KLHDC10: variants seen among roughly 807,000 people sequenced by gnomAD.
KLHDC10 encodes kelch domain-containing protein 10.
In KLHDC10, 24 loss-of-function variants were observed where a neutral mutation model predicts 56.1. The observed-to-expected ratio is 0.43, with a 90% CI of 0.31 to 0.60. The LOEUF is 0.60. KLHDC10 is among the 20% of genes least tolerant of loss of function. KLHDC10 has a pLI of 0.11. For synonymous variants in KLHDC10, 188 were observed against 207.1 expected (o/e 0.91, Z 0.79); for missense variants, 349 against 567.0 (o/e 0.62, Z 3.91).
At chr7:130,088,250 G>GT (rs1795718576) in intron 1 of KLHDC10, among the ~76,000 whole-genome samples, 1 of 151,802 alleles carries the variant, frequency 6.6e-6, no homozygotes. Flanking sequence ...AGAAGGGAAA[G>GT]TGAGTTCATA....
Position 130,130,115 on chromosome 7 carries a change from G to T in KLHDC10, c.1120-422G>T, listed in dbSNP as rs1266185809. ...GCGGATCACGAGGTCAGGAGATTGA[G>T]ACCATCCTGGCTAACACGGATGAAA... is the stretch of plus-strand genomic sequence containing the variant. On this transcript the variant is annotated intron_variant, in intron 9 of 9. Transcript: ENST00000335420. The surrounding 1 kb of genome is among the most constrained non-coding windows in gnomAD (Gnocchi z 4.2). 6.6e-6 allele frequency among the ~76,000 whole-genome samples: 1 copy of T among 151,964 alleles called. No homozygotes were observed. Among genetic ancestry groups the T allele is most frequent in the South Asian group, 2.1e-4 (1 of 4,816 alleles).
chr7:130,133,161 C>T lies in KLHDC10; in HGVS notation c.*2415C>T, dbSNP rs574625302. The T allele has an allele frequency of 5.3e-5, 8 of 152,340 alleles. No individual in the cohort carries two copies. The South Asian group carries it at 1.7e-3, about 32-fold the overall frequency. 9.4% of individuals were successfully genotyped at this position (152,340 alleles called of 1,614,324 possible). A position where few individuals can be genotyped will look rare whatever the true frequency, so the allele number is the denominator to read the frequency against. The stretch of plus-strand genomic sequence containing the variant: ...CAGCACTGAGTGCTATAGAACCACA[C>T]ATGTGTACATGTTCTGGATGCCAAA... On this transcript the variant is annotated 3_prime_UTR_variant, in exon 10 of 10. Coordinates refer to ENST00000335420, the MANE Select transcript of KLHDC10 (RefSeq NM_014997.4).
chr7:130,087,886 G>A lies in KLHDC10; in HGVS notation c.167-9035G>A, dbSNP rs188040805. On this transcript the variant is annotated intron_variant, in intron 1 of 9. Transcript: ENST00000335420. ...AGCAATTCTCCTGCCTCAGCCTCCC[G>A]AGTAGCTGGGATTACAGGTGCTCGC... Among the ~76,000 whole-genome samples the A allele has an allele frequency of 6.5e-3, 976 of 150,900 alleles. 9 individuals are homozygous for A. Among genetic ancestry groups the A allele is most frequent in the African/African-American group, 0.022 (901 of 41,088 alleles).
intron 7 of KLHDC10, among the ~76,000 whole-genome samples, chr7:130,126,360 T>C (rs1024628471): frequency 2.0e-5 from 3 of 152,124 alleles, no homozygotes; most frequent in Non-Finnish European, 4.4e-5. Context: ...AGAAAATACT[T>C]GTATTCCTTA....
At chr7:130,078,550 G>T (rs1460544035) in intron 1 of KLHDC10, among the ~76,000 whole-genome samples, 2 of 151,388 alleles carry the variant, frequency 1.3e-5, no homozygotes, top group East Asian at 3.9e-4. Flanking sequence ...ACAGAGTCTC[G>T]CTCTGTCACC....
At chr7:130,099,930 A>C (rs572444798) in intron 2 of KLHDC10, among the ~76,000 whole-genome samples, 1 of 152,074 alleles carries the variant, frequency 6.6e-6, no homozygotes, top group South Asian at 2.1e-4. Flanking sequence ...GTCTGTCTAC[A>C]TACACACACA....
intron 7 of KLHDC10, 89 bp from the exon 8 acceptor site, chr7:130,127,315 A>T: frequency 9.9e-7 from 1 of 1,014,930 alleles, no homozygotes; most frequent in Non-Finnish European, 1.6e-6. Context: ...GTTTTGAGTT[A>T]CACGTAGTGT....
chr7:130,135,534 G>C lies in KLHDC10; in HGVS notation c.*4788G>C, dbSNP rs867763381. On this transcript the variant is annotated 3_prime_UTR_variant, in exon 10 of 10. Transcript: ENST00000335420. ...AGTGTGGACGTCCTTTTGCAGTCTG[G>C]TGTGCATGCCATATGATCAGGACAG... is the stretch of plus-strand genomic sequence containing the variant. The C allele has an allele frequency of 6.5e-6, 1 of 154,456 alleles. No homozygotes were observed. 9.6% of individuals were successfully genotyped at this position (154,456 alleles called of 1,614,324 possible).
At chr7:130,084,083 C>G (rs192945414) in intron 1 of KLHDC10, among the ~76,000 whole-genome samples, 183 of 152,250 alleles carry the variant, frequency 1.2e-3, no homozygotes, top group Middle Eastern at 6.8e-3. Context: ...AATTTCAGCC[C>G]AAATCTCTTT....
chr7:130,099,487 C>T (rs1385088924), intron 2 of KLHDC10, among the ~76,000 whole-genome samples: 3 of 152,082 alleles, frequency 2.0e-5, no homozygotes, highest in Non-Finnish European at 4.4e-5. Context: ...CTCAACTTGG[C>T]TGAAGGAGGG....
chr7:130,125,888 G>A lies in KLHDC10; in HGVS notation c.888G>A (p.Thr296=), dbSNP rs748863447. ...LNKIHAYNLE[T]NAWEEIATKP... ...AGATCCATGCATACAACCTTGAAAC[G>A]AATGCCTGGGAGGAAATTGCAACAA... Residue 296 remains threonine, a synonymous_variant, in exon 7 of 10, where the codon ACG becomes ACA. Coordinates refer to ENST00000335420, the MANE Select transcript of KLHDC10 (RefSeq NM_014997.4). The A allele has an allele frequency of 2.3e-5, 37 of 1,601,534 alleles. No individual in the cohort carries two copies. Among genetic ancestry groups the A allele is most frequent in the East Asian group, 1.6e-4 (7 of 44,442 alleles).
rs773751382 is a variant in KLHDC10, at chr7:130,116,507, G to T, written c.316G>T (p.Val106Leu). The change falls in exon 3 of 10, where the codon GTG (valine) becomes TTG (leucine). Residue 106 changes from valine (V) to leucine (L), a missense_variant. By Grantham distance (32) the Val-to-Leu change is conservative (BLOSUM62 1). Around this residue, in one of 2 missense-constraint regions of KLHDC10, gnomAD observed 245 missense variants for 470.1 expected, o/e 0.52. Transcript: ENST00000335420. This position sits in a 1 kb window ranked among gnomAD's most constrained non-coding sequence, Gnocchi z 4.8. The stretch of plus-strand genomic sequence containing the variant: ...TGTGGCAGATAATACCAACCTATAT[G>T]TGTTTGGAGGTTATAACCCAGATTA... ...RCVADNTNLY[V>L]FGGYNPDYDE... The T allele has an allele frequency of 3.1e-6, 5 of 1,614,152 alleles. No individual in the cohort carries two copies. The highest frequency in any genetic ancestry group is 3.4e-6 in the Non-Finnish European group (4 of 1,180,036).
chr7:130,088,460 A>G (rs1476123279), intron 1 of KLHDC10, among the ~76,000 whole-genome samples: 1 of 149,158 alleles, frequency 6.7e-6, no homozygotes, highest in South Asian at 2.1e-4. Flanking sequence ...TTTTTAGTAG[A>G]GACGGGGGTT....
At chr7:130,072,907 C>T (rs1482994539) in intron 1 of KLHDC10, among the ~76,000 whole-genome samples, 1 of 152,008 alleles carries the variant, frequency 6.6e-6, no homozygotes, top group Non-Finnish European at 1.5e-5. Context: ...AGGCGCCCAC[C>T]ACCACGCCAG....
At chr7:130,115,937 A>G (rs1431352234) in intron 2 of KLHDC10, among the ~76,000 whole-genome samples, 1 of 152,100 alleles carries the variant, frequency 6.6e-6, no homozygotes. Flanking sequence ...TTGTAAGTGT[A>G]TAATTATATC....
At chr7:130,100,038 C>T (rs372817823) in intron 2 of KLHDC10, among the ~76,000 whole-genome samples, 3 of 150,732 alleles carry the variant, frequency 2.0e-5, no homozygotes, top group African/African-American at 7.3e-5. Context: ...ACTAAGAGTT[C>T]GAGGCTACAG....
chr7:130,101,761 G>C (rs775437909), intron 2 of KLHDC10, among the ~76,000 whole-genome samples: 1 of 152,044 alleles, frequency 6.6e-6, no homozygotes, highest in Non-Finnish European at 1.5e-5. Context: ...ACGAGGTCAG[G>C]AGATCGAGAC....
intron 1 of KLHDC10, among the ~76,000 whole-genome samples, chr7:130,089,156 T>A (rs1795735654): frequency 6.6e-6 from 1 of 152,204 alleles, no homozygotes; most frequent in South Asian, 2.1e-4. Flanking sequence ...TTTTATCTTT[T>A]AAATTTTTCC....
rs1253981880 is a variant in KLHDC10, at chr7:130,116,360, T to A, written c.254-85T>A. Reference sequence around the variant, plus strand: ...TTATAAATCCTTCCTGGTCCCCTTTTATGGCTAAAATGGTTGTTACCTAAT... The same window carrying A: ...TTATAAATCCTTCCTGGTCCCCTTTAATGGCTAAAATGGTTGTTACCTAAT... On this transcript the variant is annotated intron_variant, in intron 2 of 9. Coordinates refer to ENST00000335420, the MANE Select transcript of KLHDC10 (RefSeq NM_014997.4). This position sits in a 1 kb window ranked among gnomAD's most constrained non-coding sequence, Gnocchi z 4.8. 9 of 976,806 alleles carry A rather than the reference T, an allele frequency of 9.2e-6. No individual in the cohort carries two copies. The highest frequency in any genetic ancestry group is 2.5e-4 in the Middle Eastern group (1 of 4,064). The allele number at this position is 976,806 out of a possible 1,614,324, so 60.5% of individuals were successfully genotyped here. A position where few individuals can be genotyped will look rare whatever the true frequency, so the allele number is the denominator to read the frequency against.
Sources: allele counts gnomAD v4.1 joint callset (sites outside exome capture counted in the v4.1 genomes callset), GRCh38; gene constraint gnomAD v4.1.1; regional missense constraint gnomAD v4.1.1; non-coding constraint Gnocchi (gnomAD v3.1); transcripts MANE v1.5; gene names NCBI Gene and HGNC (gene_info 2026-07-23, HGNC 2026-07-21).